Variants in CNTN5 observed in about 807,000 individuals in gnomAD.
CNTN5 encodes contactin-5.
Under a neutral mutation model 129.1 loss-of-function variants are expected in CNTN5, and 77 were observed. That is an observed-to-expected ratio of 0.60 (90% CI 0.50 to 0.72). CNTN5 has a LOEUF of 0.72. Ranked by LOEUF, CNTN5 falls within the 30% of genes least tolerant of loss-of-function variation. The pLI is 0.00. For missense variants in CNTN5, 1,478 were observed against 1,328.8 expected, an observed-to-expected ratio of 1.11 and a Z score of -1.75; for synonymous variants, 509 against 465.6, an observed-to-expected ratio of 1.09 and a Z score of -1.20.
chr11:99,744,465 T>A (rs7128005), intron 3 of CNTN5, among the ~76,000 whole-genome samples: 24,689 of 139,806 alleles, frequency 0.18, 2,311 homozygotes, highest in African/African-American at 0.27. Flanking sequence ...CTTTGGAGGG[T>A]GAGGCAACTG....
At chr11:99,861,035 A>C (rs547722664) in intron 6 of CNTN5, among the ~76,000 whole-genome samples, 3 of 141,052 alleles carry the variant, frequency 2.1e-5, no homozygotes, top group Non-Finnish European at 4.5e-5. Flanking sequence ...ATCTCACTGC[A>C]AACTGCGCCT....
At chr11:100,351,013 A>T (rs1952399242) in intron 24 of CNTN5, 143 bp downstream of exon 24, 2 of 597,592 alleles carry the variant, frequency 3.3e-6, no homozygotes, top group South Asian at 5.6e-5. Context: ...TTATCTTCTG[A>T]TTAATATGAA....
At chr11:100,151,029 G>T (rs567358269) in intron 13 of CNTN5, among the ~76,000 whole-genome samples, 1 of 152,106 alleles carries the variant, frequency 6.6e-6, no homozygotes, top group African/African-American at 2.4e-5. Flanking sequence ...TTGTCACCAG[G>T]AGCCACATTT....
At chr11:100,042,611 A>G (rs957961844) in intron 9 of CNTN5, among the ~76,000 whole-genome samples, 5 of 152,166 alleles carry the variant, frequency 3.3e-5, no homozygotes, top group Non-Finnish European at 4.4e-5. Context: ...ACCTCATCAT[A>G]TGTATAAAAA....
chr11:99,103,739 C>T (rs1330675727), intron 1 of CNTN5, among the ~76,000 whole-genome samples: 1 of 146,512 alleles, frequency 6.8e-6, no homozygotes, highest in Admixed American at 6.9e-5. Context: ...CCAGGTGAAC[C>T]ATAAATCTAA....
intron 1 of CNTN5, among the ~76,000 whole-genome samples, chr11:99,091,566 T>C (rs1005115574): frequency 7.2e-5 from 11 of 152,158 alleles, no homozygotes; most frequent in Non-Finnish European, 1.6e-4. Context: ...GCTGGAATCA[T>C]AGTGAGGCTG....
chr11:99,452,389 T>TG (rs200721930), intron 2 of CNTN5, among the ~76,000 whole-genome samples: 2 of 149,416 alleles, frequency 1.3e-5, no homozygotes, highest in Admixed American at 6.7e-5. Context: ...TTTTTTTTTT[T>TG]TGGGACGGAG....
chr11:100,147,225 C>G (rs1043724172), intron 13 of CNTN5, among the ~76,000 whole-genome samples: 1 of 152,142 alleles, frequency 6.6e-6, no homozygotes, highest in Non-Finnish European at 1.5e-5. Flanking sequence ...GGTCCCATCT[C>G]TGTGCAGCTG....
At chr11:99,175,713 G>A (rs867442454) in intron 1 of CNTN5, among the ~76,000 whole-genome samples, 1 of 152,040 alleles carries the variant, frequency 6.6e-6, no homozygotes, top group African/African-American at 2.4e-5. Flanking sequence ...TCTACCATTA[G>A]ATAAACTGCA....
intron 2 of CNTN5, among the ~76,000 whole-genome samples, chr11:99,339,699 G>A (rs546013242): frequency 2.6e-5 from 4 of 151,840 alleles, no homozygotes; most frequent in Admixed American, 6.6e-5. Context: ...GGAGAATGGC[G>A]TGAACCCAGG....
chr11:99,410,266 T>C (rs1942331780), intron 2 of CNTN5, among the ~76,000 whole-genome samples: 1 of 152,220 alleles, frequency 6.6e-6, no homozygotes, highest in African/African-American at 2.4e-5. Flanking sequence ...GCAGCCTTGT[T>C]TTCTTTATCT....
At chr11:99,497,039 A>T (rs1414674903) in intron 2 of CNTN5, among the ~76,000 whole-genome samples, 2 of 152,204 alleles carry the variant, frequency 1.3e-5, no homozygotes, top group African/African-American at 4.8e-5. Flanking sequence ...TGAAATGTAG[A>T]TGTTAGCACT....
intron 1 of CNTN5, among the ~76,000 whole-genome samples, chr11:99,275,654 T>A (rs757786568): frequency 4.6e-5 from 7 of 151,700 alleles, no homozygotes; most frequent in Non-Finnish European, 8.8e-5. Context: ...TTGGCAGAGC[T>A]CTCTCACATG....
chr11:99,911,171 TA>T (rs1312164063), intron 6 of CNTN5, among the ~76,000 whole-genome samples: 1 of 152,080 alleles, frequency 6.6e-6, no homozygotes, highest in Non-Finnish European at 1.5e-5. Context: ...GGTCTTTTTG[TA>T]AAAAGTCAAA....
At chr11:99,151,477 AAGAT>A (rs1860054635) in intron 1 of CNTN5, among the ~76,000 whole-genome samples, 1 of 152,210 alleles carries the variant, frequency 6.6e-6, no homozygotes, top group South Asian at 2.1e-4. Context: ...TTGGTTGAGA[AAGAT>A]AGACAATAGT....
At chr11:100,038,761 G>T (rs1942191679) in intron 9 of CNTN5, among the ~76,000 whole-genome samples, 1 of 152,084 alleles carries the variant, frequency 6.6e-6, no homozygotes, top group South Asian at 2.1e-4. Flanking sequence ...TTGGTTTAAA[G>T]TCTGTTTTAT....
At chr11:99,422,076 A>C (rs2135058014) in intron 2 of CNTN5, among the ~76,000 whole-genome samples, 1 of 152,290 alleles carries the variant, frequency 6.6e-6, no homozygotes, top group Non-Finnish European at 1.5e-5. Context: ...AGAGCAATCA[A>C]GTCAGTGAGA....
chr11:99,966,208 G>A (rs113267437), intron 8 of CNTN5, among the ~76,000 whole-genome samples: 1 of 152,178 alleles, frequency 6.6e-6, no homozygotes, highest in Non-Finnish European at 1.5e-5. Context: ...AGGGACATAT[G>A]CAAAGGCAGT....
At chr11:99,533,148 G>A (rs1027212957) in intron 2 of CNTN5, among the ~76,000 whole-genome samples, 8 of 152,172 alleles carry the variant, frequency 5.3e-5, no homozygotes, top group African/African-American at 1.7e-4. Context: ...ACTTGAACCC[G>A]GGAGAAGGAG....
Sources: allele counts gnomAD v4.1 joint callset (sites outside exome capture counted in the v4.1 genomes callset), GRCh38; gene constraint gnomAD v4.1.1; transcripts MANE v1.5; gene names NCBI Gene and HGNC (gene_info 2026-07-23, HGNC 2026-07-21).